GRID2: variants seen among roughly 807,000 people sequenced by gnomAD.
GRID2 encodes glutamate ionotropic receptor delta type subunit 2.
Under a neutral mutation model 114.8 loss-of-function variants are expected in GRID2, and 33 were observed. That is an observed-to-expected ratio of 0.29 (90% CI 0.22 to 0.38). The LOEUF is 0.38. Ranked by LOEUF, GRID2 falls within the 10% of genes least tolerant of loss-of-function variation. GRID2 has a pLI of 1.00. For synonymous variants in GRID2, 505 were observed against 449.9 expected, an observed-to-expected ratio of 1.12 and a Z score of -1.55; for missense variants, 1,184 against 1,257.7, an observed-to-expected ratio of 0.94 and a Z score of 0.89.
chr4:93,026,668 A>C (rs984100050), intron 2 of GRID2, among the ~76,000 whole-genome samples: 6 of 151,762 alleles, frequency 4.0e-5, no homozygotes, highest in Admixed American at 6.6e-5. Context: ...ATTTTTCAGC[A>C]TTATAATTCC....
At chr4:92,877,022 TTTTA>T (rs2149452526) in intron 2 of GRID2, among the ~76,000 whole-genome samples, 1 of 152,342 alleles carries the variant, frequency 6.6e-6, no homozygotes, top group East Asian at 1.9e-4. Flanking sequence ...GAATTATGGT[TTTTA>T]TTTGTGTTTT....
At chr4:92,826,188 T>A (rs1254653218) in intron 2 of GRID2, among the ~76,000 whole-genome samples, 1 of 152,122 alleles carries the variant, frequency 6.6e-6, no homozygotes, top group Non-Finnish European at 1.5e-5. Flanking sequence ...TTCCTACTTA[T>A]TTCTCTTTGT....
At chr4:93,700,109 G>T (rs747813432) in intron 14 of GRID2, among the ~76,000 whole-genome samples, 3 of 152,014 alleles carry the variant, frequency 2.0e-5, no homozygotes, top group African/African-American at 4.8e-5. Context: ...ATAGTTTAAG[G>T]TCTGTGCTCT....
chr4:93,451,906 A>G (rs1722723350), intron 10 of GRID2, among the ~76,000 whole-genome samples: 1 of 152,246 alleles, frequency 6.6e-6, no homozygotes, highest in South Asian at 2.1e-4. Flanking sequence ...CATAAGTATG[A>G]TGTTGGCCAT....
intron 12 of GRID2, among the ~76,000 whole-genome samples, chr4:93,510,088 A>G (rs1729017017): frequency 6.6e-6 from 1 of 152,134 alleles, no homozygotes; most frequent in South Asian, 2.1e-4. Context: ...TCTCTTTTCC[A>G]CTGTTAGCCC....
intron 13 of GRID2, among the ~76,000 whole-genome samples, chr4:93,553,780 G>A (rs757851052): frequency 1.3e-5 from 2 of 152,082 alleles, no homozygotes; most frequent in Non-Finnish European, 2.9e-5. Flanking sequence ...TCGGAAATTA[G>A]TTTAGCATAT....
intron 3 of GRID2, among the ~76,000 whole-genome samples, chr4:93,090,165 A>G (rs1730659540): frequency 6.6e-6 from 1 of 152,136 alleles, no homozygotes; most frequent in African/African-American, 2.4e-5. Context: ...TTGCGATCAA[A>G]TCCATTCAGT....
At chr4:92,988,291 G>C (rs1754634503) in intron 2 of GRID2, among the ~76,000 whole-genome samples, 1 of 152,106 alleles carries the variant, frequency 6.6e-6, no homozygotes, top group Admixed American at 6.6e-5. Flanking sequence ...GCAGGGTTTT[G>C]CTCTTCAAGG....
chr4:93,299,961 A>G (rs980117970), intron 8 of GRID2, among the ~76,000 whole-genome samples: 2 of 152,146 alleles, frequency 1.3e-5, no homozygotes, highest in Admixed American at 1.3e-4. Context: ...CAAATACCCA[A>G]ATCTGCAGAT....
At chr4:92,924,865 G>A (rs1407689686) in intron 2 of GRID2, among the ~76,000 whole-genome samples, 2 of 151,996 alleles carry the variant, frequency 1.3e-5, no homozygotes, top group Non-Finnish European at 2.9e-5. Context: ...CTTTGTTGTA[G>A]CTTCATCATA....
chr4:92,749,224 G>A (rs534412097), intron 2 of GRID2, among the ~76,000 whole-genome samples: 12 of 150,792 alleles, frequency 8.0e-5, no homozygotes, highest in African/African-American at 2.9e-4. Flanking sequence ...GGATGGTCTC[G>A]ATCTCTTGAC....
At chr4:92,794,580 A>G (rs1031292207) in intron 2 of GRID2, among the ~76,000 whole-genome samples, 2 of 151,764 alleles carry the variant, frequency 1.3e-5, no homozygotes, top group African/African-American at 4.8e-5. Context: ...ATTGACTCCA[A>G]AAACTGCCGA....
chr4:93,408,809 C>T (rs1766806803), intron 9 of GRID2, among the ~76,000 whole-genome samples: 1 of 152,186 alleles, frequency 6.6e-6, no homozygotes, highest in Non-Finnish European at 1.5e-5. Flanking sequence ...CACCTTTCTG[C>T]TGTCTACTCT....
chr4:93,455,569 A>T (rs1723103052), intron 10 of GRID2, 93 bp from the exon 11 acceptor site: 1 of 724,600 alleles, frequency 1.4e-6, no homozygotes, highest in Non-Finnish European at 2.4e-6. Context: ...TGCCTGAGGC[A>T]TCTATTTTTT....
At position 93,567,422 on chromosome 4, in the gene GRID2, A is replaced by C. The variant is rs72889146; in HGVS notation, c.2193+52011A>C. Among the ~76,000 whole-genome samples, 425 of 152,320 alleles carry C rather than the reference A, an allele frequency of 2.8e-3. 2 individuals are homozygous for C. Among genetic ancestry groups the C allele is most frequent in the African/African-American group, 9.5e-3 (393 of 41,568 alleles). On this transcript the variant is annotated intron_variant, in intron 13 of 15. Coordinates refer to ENST00000282020, the MANE Select transcript of GRID2 (RefSeq NM_001510.4). ...AGGAAGTTTCCAACTTCTCTGCCAA[A>C]GGATTGAGAAAGGCGTCTTCTGATC...
chr4:93,296,397 G>A (rs974072125), intron 8 of GRID2, among the ~76,000 whole-genome samples: 1 of 149,906 alleles, frequency 6.7e-6, no homozygotes, highest in African/African-American at 2.4e-5. Context: ...ATAACTTATG[G>A]TTCCACATGG....
At chr4:92,534,470 A>C (rs976273614) in intron 1 of GRID2, among the ~76,000 whole-genome samples, 5 of 152,156 alleles carry the variant, frequency 3.3e-5, no homozygotes, top group Non-Finnish European at 5.9e-5. Flanking sequence ...GGGAAAATCA[A>C]AGAGGGGGAC....
intron 8 of GRID2, among the ~76,000 whole-genome samples, chr4:93,262,793 T>C (rs1437173072): frequency 6.7e-6 from 1 of 149,408 alleles, no homozygotes; most frequent in Admixed American, 6.9e-5. Flanking sequence ...TTTTGCCCTT[T>C]TAAGTGTTGG....
chr4:92,772,978 A>G (rs1738614185), intron 2 of GRID2, among the ~76,000 whole-genome samples: 1 of 152,214 alleles, frequency 6.6e-6, no homozygotes, highest in Admixed American at 6.5e-5. Flanking sequence ...TGCTCTGTCA[A>G]GTCATTCTAG....
Sources: gnomAD v4.1 joint callset for allele counts (sites outside exome capture counted in the v4.1 genomes callset) on GRCh38, gnomAD v4.1.1 for gene constraint, MANE v1.5 for transcripts, NCBI Gene and HGNC (gene_info 2026-07-23, HGNC 2026-07-21) for gene names.